CEP350: variants seen among roughly 807,000 people sequenced by gnomAD.
CEP350 encodes the protein centrosome-associated protein 350.
CEP350 carries 126 observed loss-of-function variants against 331.8 expected under a neutral mutation model. The observed-to-expected ratio is 0.38, with a 90% CI of 0.33 to 0.44. CEP350 has a LOEUF of 0.44. Among genes scored for constraint, CEP350 ranks in the 20% least tolerant of loss-of-function variants. The probability of loss-of-function intolerance (pLI) is 1.00; values close to 1 mark genes in which losing one functional copy is unlikely to be tolerated. For synonymous variants in CEP350, 1,200 were observed against 1,259.5 expected, an observed-to-expected ratio of 0.95 and a Z score of 1.00; for missense variants, 3,406 against 3,634.6, an observed-to-expected ratio of 0.94 and a Z score of 1.62.
In CEP350 at chr1:180,044,300, G is replaced by A. The variant is rs574653963; in HGVS notation, c.4622+127G>A. 44 of 948,878 alleles carry A rather than the reference G, an allele frequency of 4.6e-5. No homozygotes were observed. In the Admixed American group the frequency reaches 1.3e-3, roughly 28 times the overall value. 58.8% of individuals were successfully genotyped at this position (948,878 alleles called of 1,614,324 possible). A position where few individuals can be genotyped will look rare whatever the true frequency, so the allele number is the denominator to read the frequency against. ...AACAGTGTGTGCCCTTCAAAGTGCT[G>A]GCTTCCCTAATTAGCCAATTTACAA... On this transcript the variant is annotated intron_variant, in intron 21 of 37. Transcript: ENST00000367607.
In CEP350 at chr1:180,053,726, CAAGA is replaced by C. The variant is rs1657648062; in HGVS notation, c.4990-17_4990-14del. 1 of 1,442,724 alleles carries C rather than the reference CAAGA, an allele frequency of 6.9e-7. No homozygotes were observed. Among genetic ancestry groups the C allele is most frequent in the South Asian group, 1.5e-5 (1 of 67,076 alleles). The allele number at this position is 1,442,724 out of a possible 1,614,324, so 89.4% of individuals were successfully genotyped here. ...TACCAAAAGGTTAGATGATGATAAA[CAAGA>C]AAGAAACCATCTACTTTAGGAACTG... On this transcript the variant is annotated intron_variant, in intron 23 of 37. Coordinates refer to ENST00000367607, the MANE Select transcript of CEP350 (RefSeq NM_014810.5).
At chr1:180,100,313 C>A (rs552955271) in intron 37 of CEP350, among the ~76,000 whole-genome samples, 31 of 152,314 alleles carry the variant, frequency 2.0e-4, no homozygotes, top group African/African-American at 7.5e-4. Flanking sequence ...TCAACTAATT[C>A]TTCATAGATC....
chr1:179,963,666 C>T (rs1650793067), intron 1 of CEP350, among the ~76,000 whole-genome samples: 2 of 151,578 alleles, frequency 1.3e-5, no homozygotes, highest in South Asian at 4.1e-4. Flanking sequence ...GGCTTTATTT[C>T]TGGGTTCTCT....
At chr1:180,009,130 C>T (rs1436613283) in intron 8 of CEP350, among the ~76,000 whole-genome samples, 1 of 152,186 alleles carries the variant, frequency 6.6e-6, no homozygotes, top group Non-Finnish European at 1.5e-5. Context: ...ATGCCTCAGC[C>T]TCCTGAGTAG....
chr1:180,081,082 G>A (rs999363629), intron 30 of CEP350, among the ~76,000 whole-genome samples: 8 of 151,748 alleles, frequency 5.3e-5, no homozygotes, highest in African/African-American at 1.9e-4. Context: ...TGGCCAGGCT[G>A]GTCTCAAACT....
chr1:180,028,823 G>A (rs1049692193), intron 14 of CEP350, among the ~76,000 whole-genome samples: 2 of 151,858 alleles, frequency 1.3e-5, no homozygotes, highest in Admixed American at 6.6e-5. Context: ...AAAAAATCAT[G>A]ATTTATTGAG....
rs1234363538 is a variant in CEP350, at chr1:180,095,948, A to G, written c.8919+18A>G. 5 of 1,586,016 alleles carry G rather than the reference A, an allele frequency of 3.2e-6. No homozygotes were observed. Among genetic ancestry groups the G allele is most frequent in the Non-Finnish European group, 4.3e-6 (5 of 1,167,516 alleles). The stretch of plus-strand genomic sequence containing the variant: ...ACAAACAGGTAGGTGAAATAAAAGG[A>G]TAATTTTAGTTTTTAAACTTTTCTC... On this transcript the variant is annotated intron_variant, in intron 35 of 37. Coordinates refer to ENST00000367607, the MANE Select transcript of CEP350 (RefSeq NM_014810.5).
chr1:180,109,211 C>T (rs148465581), intron 37 of CEP350, among the ~76,000 whole-genome samples: 315 of 151,064 alleles, frequency 2.1e-3, no homozygotes, highest in African/African-American at 7.1e-3. Context: ...CTCCGCCTCC[C>T]GGGTTCAAGC....
chr1:180,013,928 G>T lies in CEP350; in HGVS notation c.1475G>T (p.Arg492Ile). 1.2e-6 allele frequency: 2 copies of T among 1,613,816 alleles called. No individual in the cohort carries two copies. The highest frequency in any genetic ancestry group is 1.7e-6 in the Non-Finnish European group (2 of 1,179,798). Reference protein sequence around the residue: ...RHLQRNSERSRSKSRSENNIK... With the variant: ...RHLQRNSERSISKSRSENNIK... ...CTTCAAAGAAACTCAGAACGTTCGA[G>T]AAGTAAATCTCGGTCTGAAAATAAT... Residue 492 changes from arginine (R) to isoleucine (I), a missense_variant, in exon 10 of 38, where the codon AGA becomes ATA. Physicochemically the swap from Arg to Ile is moderately conservative, Grantham distance 97. Transcript: ENST00000367607.
chr1:180,045,123 C>T (rs760835196), intron 21 of CEP350, among the ~76,000 whole-genome samples: 1 of 152,144 alleles, frequency 6.6e-6, no homozygotes, highest in Non-Finnish European at 1.5e-5. Flanking sequence ...GGGAAGATCA[C>T]CTGAGGTTAG....
intron 14 of CEP350, 78 bp from the exon 15 acceptor site, chr1:180,031,242 T>C: frequency 1.3e-6 from 1 of 791,656 alleles, no homozygotes; most frequent in Non-Finnish European, 2.0e-6. Context: ...TGTTATTTTA[T>C]TGAAATCTAT....
chr1:180,001,388 A>G (rs1653861749), intron 6 of CEP350, among the ~76,000 whole-genome samples: 2 of 152,110 alleles, frequency 1.3e-5, no homozygotes, highest in South Asian at 4.1e-4. Context: ...CCTAAAGAGT[A>G]GCTGGGATTA....
intron 10 of CEP350, 63 bp downstream of exon 10, chr1:180,014,568 C>G: frequency 1.4e-6 from 2 of 1,440,018 alleles, no homozygotes; most frequent in Non-Finnish European, 1.8e-6. Flanking sequence ...ATTTGCTATA[C>G]TATTTAAAAA....
At chr1:180,080,454 T>C (rs947773085) in intron 29 of CEP350, 63 bp from the exon 30 acceptor site, 38 of 1,479,768 alleles carry the variant, frequency 2.6e-5, no homozygotes, top group Middle Eastern at 1.7e-4. Context: ...GTATGTCAAA[T>C]TTTAAATAGA....
At chr1:179,999,251 T>C (rs1032735556) in intron 6 of CEP350, among the ~76,000 whole-genome samples, 2 of 152,166 alleles carry the variant, frequency 1.3e-5, no homozygotes, top group African/African-American at 4.8e-5. Flanking sequence ...TATAAAAACC[T>C]AAAAGTTAAA....
chr1:179,974,075 G>T (rs1328396506), intron 1 of CEP350, among the ~76,000 whole-genome samples: 1 of 131,252 alleles, frequency 7.6e-6, no homozygotes, highest in African/African-American at 2.6e-5. Flanking sequence ...GCTGGTGTTT[G>T]TTTGTTTGTT....
chr1:180,020,169 T>C lies in CEP350; in HGVS notation c.2395T>C (p.Tyr799His), dbSNP rs768999196. The change falls in exon 12 of 38, where the codon TAT becomes CAT. Residue 799 changes from tyrosine (Y) to histidine (H), a missense_variant. By Grantham distance (83) the Tyr-to-His change is moderately conservative. This residue lies in a region of CEP350 where 1,857 missense variants were observed against 1,909.2 expected (regional missense o/e 0.97). Coordinates refer to ENST00000367607, the MANE Select transcript of CEP350 (RefSeq NM_014810.5). ...SRPLTFTPQPYVTSPAAYTDA... is the reference protein window; with the variant it reads ...SRPLTFTPQPHVTSPAAYTDA... ...GCCATTAACTTTTACACCTCAACCA[T>C]ATGTGACCTCACCAGCTGCTTATAC... 2 of 1,613,982 alleles carry C rather than the reference T, an allele frequency of 1.2e-6. No homozygotes were observed. The highest frequency in any genetic ancestry group is 2.2e-5 in the East Asian group (1 of 44,876).
In CEP350 at chr1:180,092,814, G is replaced by T; in HGVS notation, c.6709G>T (p.Ala2237Ser). ...ATTACATCTTCTCAAAGAATTAAAT[G>T]CCACTAGTAGAATTCTTGATATGTC... is the stretch of plus-strand genomic sequence containing the variant. The part of the protein sequence containing the change: ...PALHLLKELN[A>S]TSRILDMSDG... Residue 2237 changes from alanine to serine, a missense_variant, in exon 34 of 38, where the codon GCC (alanine) becomes TCC (serine). Around this residue, in one of 5 missense-constraint regions of CEP350, gnomAD observed 1,415 missense variants for 1,512.3 expected, o/e 0.94. Coordinates refer to ENST00000367607, the MANE Select transcript of CEP350 (RefSeq NM_014810.5). 1 of 1,570,246 alleles carries T rather than the reference G, an allele frequency of 6.4e-7. No individual in the cohort carries two copies. Among genetic ancestry groups the T allele is most frequent in the African/African-American group, 1.4e-5 (1 of 73,976 alleles).
At chr1:179,968,349 AG>A (rs1359893409) in intron 1 of CEP350, among the ~76,000 whole-genome samples, 2 of 150,132 alleles carry the variant, frequency 1.3e-5, no homozygotes, top group African/African-American at 4.9e-5. Context: ...AAAAAAAAAA[AG>A]AGGAATAAAA....
Sources: allele counts gnomAD v4.1 joint callset (sites outside exome capture counted in the v4.1 genomes callset), GRCh38; gene constraint gnomAD v4.1.1; regional missense constraint gnomAD v4.1.1; transcripts MANE v1.5; gene names NCBI Gene and HGNC (gene_info 2026-07-23, HGNC 2026-07-21).